CDH12: variants seen among roughly 807,000 people sequenced by gnomAD.
The protein encoded by CDH12 is cadherin 12.
In CDH12, 41 loss-of-function variants were observed where a neutral mutation model predicts 74.1. The ratio of observed to expected loss-of-function variants is 0.55; its 90% CI spans 0.43 to 0.72. CDH12 has a LOEUF of 0.72. Ranked by LOEUF, CDH12 falls within the 30% of genes least tolerant of loss-of-function variation. The probability of loss-of-function intolerance (pLI) is 0.00; values close to 1 mark genes in which losing one functional copy is unlikely to be tolerated. For synonymous variants in CDH12, 399 were observed against 355.0 expected (o/e 1.12, Z -1.39); for missense variants, 945 against 977.2 (o/e 0.97, Z 0.44).
chr5:22,410,767 T>TA (rs1202162662), intron 2 of CDH12, among the ~76,000 whole-genome samples: 1 of 152,034 alleles, frequency 6.6e-6, no homozygotes, highest in East Asian at 1.9e-4. Flanking sequence ...GATTATTCTT[T>TA]AAAAAAACAT....
chr5:22,392,657 G>T (rs572629226), intron 3 of CDH12, among the ~76,000 whole-genome samples: 83 of 152,220 alleles, frequency 5.5e-4, no homozygotes, highest in African/African-American at 1.9e-3. Context: ...AGTCATTATT[G>T]ACCAAAGAAA....
At chr5:22,224,583 A>T (rs1244002848) in intron 3 of CDH12, among the ~76,000 whole-genome samples, 1 of 152,116 alleles carries the variant, frequency 6.6e-6, no homozygotes, top group East Asian at 1.9e-4. Flanking sequence ...TGTAGTTTTT[A>T]AAAATGTAGC....
chr5:22,604,039 C>T lies in CDH12; in HGVS notation c.-522-98675G>A, dbSNP rs148307001. On this transcript the variant is annotated intron_variant, in intron 1 of 14. Transcript: ENST00000382254. ...AGTTCACAGGTGGAGGGTCTGGTCT[C>T]TCTTAGGAACACAGACAATTCACTA... 4.5e-3 allele frequency among the ~76,000 whole-genome samples: 690 copies of T among 152,210 alleles called. 4 individuals are homozygous for T. The highest frequency in any genetic ancestry group is 0.016 in the African/African-American group (652 of 41,538).
chr5:22,070,217 C>A (rs1342244163), intron 5 of CDH12, among the ~76,000 whole-genome samples: 1 of 152,026 alleles, frequency 6.6e-6, no homozygotes, highest in African/African-American at 2.4e-5. Flanking sequence ...GATGAGTAAA[C>A]CCAAGGACTT....
intron 5 of CDH12, among the ~76,000 whole-genome samples, chr5:22,042,966 T>C (rs1279786575): frequency 2.0e-5 from 3 of 149,906 alleles, no homozygotes; most frequent in Non-Finnish European, 1.5e-5. Flanking sequence ...ACAATCCTCA[T>C]ATAAAAGAAA....
At chr5:22,333,868 TG>T (rs1739450425) in intron 3 of CDH12, among the ~76,000 whole-genome samples, 2 of 152,154 alleles carry the variant, frequency 1.3e-5, no homozygotes, top group Non-Finnish European at 2.9e-5. Context: ...ATCAACAGAA[TG>T]AAGCACAAAA....
intron 6 of CDH12, among the ~76,000 whole-genome samples, chr5:21,879,870 T>C (rs1254278979): frequency 6.6e-6 from 1 of 152,172 alleles, no homozygotes; most frequent in Non-Finnish European, 1.5e-5. Context: ...ACAAGAGGAT[T>C]CGGAATATTA....
intron 4 of CDH12, among the ~76,000 whole-genome samples, chr5:22,085,925 A>C (rs1397022826): frequency 6.6e-6 from 1 of 152,204 alleles, no homozygotes; most frequent in Non-Finnish European, 1.5e-5. Context: ...TCCCAGGAAA[A>C]TTATTTGAAG....
intron 3 of CDH12, among the ~76,000 whole-genome samples, chr5:22,376,369 A>G (rs1272261189): frequency 6.6e-6 from 1 of 152,188 alleles, no homozygotes; most frequent in African/African-American, 2.4e-5. Flanking sequence ...ATACAAAAAA[A>G]AAGCCCAATA....
At chr5:22,093,412 C>A (rs1428014662) in intron 4 of CDH12, among the ~76,000 whole-genome samples, 1 of 152,098 alleles carries the variant, frequency 6.6e-6, no homozygotes, top group East Asian at 1.9e-4. Context: ...TTACATAACA[C>A]CATGCAATTG....
chr5:22,040,631 G>T (rs1378888221), intron 5 of CDH12, among the ~76,000 whole-genome samples: 1 of 152,098 alleles, frequency 6.6e-6, no homozygotes, highest in East Asian at 1.9e-4. Context: ...AATCCTAAAG[G>T]CCAAGAGAGA....
chr5:22,356,322 T>C (rs758474675), intron 3 of CDH12, among the ~76,000 whole-genome samples: 8 of 152,162 alleles, frequency 5.3e-5, no homozygotes, highest in Non-Finnish European at 1.2e-4. Context: ...ATATCACATT[T>C]AGATAACAAT....
chr5:22,010,879 T>C (rs1350930974), intron 5 of CDH12, among the ~76,000 whole-genome samples: 1 of 152,120 alleles, frequency 6.6e-6, no homozygotes, highest in Non-Finnish European at 1.5e-5. Context: ...ATTCAGAATT[T>C]TGGGGCCCAA....
chr5:22,261,041 C>CTA (rs1293197259), intron 3 of CDH12, among the ~76,000 whole-genome samples: 25 of 144,788 alleles, frequency 1.7e-4, no homozygotes, highest in Middle Eastern at 3.5e-3. Context: ...CTACCTAAGA[C>CTA]TATATATATA....
chr5:22,786,115 C>T (rs779092945), intron 1 of CDH12, among the ~76,000 whole-genome samples: 1 of 151,980 alleles, frequency 6.6e-6, no homozygotes, highest in Non-Finnish European at 1.5e-5. Flanking sequence ...ACGTATACAC[C>T]ATGGAATACT....
chr5:22,545,734 ATATAAT>A (rs1738294770), intron 1 of CDH12, among the ~76,000 whole-genome samples: 1 of 152,188 alleles, frequency 6.6e-6, no homozygotes, highest in African/African-American at 2.4e-5. Context: ...TTGATGTAAA[ATATAAT>A]TATACTCATT....
chr5:22,262,637 G>GGGAT (rs1474177568), intron 3 of CDH12, among the ~76,000 whole-genome samples: 1 of 151,014 alleles, frequency 6.6e-6, no homozygotes, highest in African/African-American at 2.4e-5. Flanking sequence ...ACCCAGTAAT[G>GGGAT]GGATGGCTGG....
intron 5 of CDH12, among the ~76,000 whole-genome samples, chr5:21,985,820 T>A (rs976534416): frequency 6.6e-6 from 1 of 152,160 alleles, no homozygotes; most frequent in Non-Finnish European, 1.5e-5. Context: ...AGCCATTAGA[T>A]TATACTTAAG....
chr5:22,337,598 T>C (rs1005390184), intron 3 of CDH12, among the ~76,000 whole-genome samples: 4 of 152,208 alleles, frequency 2.6e-5, no homozygotes, highest in Non-Finnish European at 5.9e-5. Context: ...CTGCTATCCA[T>C]GTAAAACGTG....
Sources: gnomAD v4.1 joint callset for allele counts (sites outside exome capture counted in the v4.1 genomes callset) on GRCh38, gnomAD v4.1.1 for gene constraint, MANE v1.5 for transcripts, NCBI Gene and HGNC (gene_info 2026-07-23, HGNC 2026-07-21) for gene names.